Variants in RCAN2 observed in about 807,000 individuals in gnomAD.
The protein encoded by RCAN2 is regulator of calcineurin 2.
Under a neutral mutation model 23.6 loss-of-function variants are expected in RCAN2, and 9 were observed. The ratio of observed to expected loss-of-function variants is 0.38; its 90% CI spans 0.23 to 0.67. The LOEUF (loss-of-function observed/expected upper bound fraction) is 0.67, where lower values mean the gene tolerates loss of function less well. Ranked by LOEUF, RCAN2 falls within the 30% of genes least tolerant of loss-of-function variation. The pLI, the probability that RCAN2 is intolerant of heterozygous loss-of-function variation, is 0.51. For synonymous variants in RCAN2, 109 were observed against 115.7 expected (o/e 0.94, Z 0.37); for missense variants, 273 against 302.3 (o/e 0.90, Z 0.72).
chr6:46,289,986 G>T (rs1762493497), intron 2 of RCAN2, among the ~76,000 whole-genome samples: 1 of 152,162 alleles, frequency 6.6e-6, no homozygotes, highest in African/African-American at 2.4e-5. Context: ...CCAAGGTTGG[G>T]AAATAGAGAC....
At chr6:46,468,948 T>C (rs1467812472) in intron 1 of RCAN2, 2 of 520,872 alleles carry the variant, frequency 3.8e-6, no homozygotes, top group East Asian at 1.5e-4. Context: ...GATCTGAAAG[T>C]AAGTCACTGC....
chr6:46,491,838 TG>T, upstream of RCAN2: 1 of 152,510 alleles, frequency 6.6e-6, no homozygotes, highest in Non-Finnish European at 1.5e-5. Flanking sequence ...CAAACTGTGG[TG>T]GGGGAGTACT....
intron 2 of RCAN2, among the ~76,000 whole-genome samples, chr6:46,344,478 TACTA>T (rs1241847752): frequency 1.4e-5 from 2 of 140,354 alleles, no homozygotes; most frequent in Non-Finnish European, 3.2e-5. Context: ...TTATTAAAAA[TACTA>T]TTGATTATTA....
At chr6:46,334,644 C>A (rs1274075062) in intron 2 of RCAN2, among the ~76,000 whole-genome samples, 1 of 152,148 alleles carries the variant, frequency 6.6e-6, no homozygotes, top group East Asian at 1.9e-4. Flanking sequence ...TCCACATTCT[C>A]CGCATTGTGT....
At chr6:46,459,775 G>A (rs762841389) in intron 1 of RCAN2, among the ~76,000 whole-genome samples, 26 of 152,172 alleles carry the variant, frequency 1.7e-4, no homozygotes, top group Non-Finnish European at 3.1e-4. Context: ...GCAGGGGAAT[G>A]AAACAGGAGC....
intron 2 of RCAN2, among the ~76,000 whole-genome samples, chr6:46,306,201 A>C (rs1332706216): frequency 6.6e-6 from 1 of 152,112 alleles, no homozygotes; most frequent in Non-Finnish European, 1.5e-5. Flanking sequence ...GCTTGTCTCC[A>C]TGTCCAAAGA....
At chr6:46,416,202 TTAAG>T (rs1272719656) in intron 2 of RCAN2, among the ~76,000 whole-genome samples, 1 of 151,792 alleles carries the variant, frequency 6.6e-6, no homozygotes, top group Admixed American at 6.6e-5. Flanking sequence ...AATAAATCGA[TTAAG>T]TAAGATTTTG....
chr6:46,477,074 C>T (rs1031149859), intron 1 of RCAN2, among the ~76,000 whole-genome samples: 3 of 152,114 alleles, frequency 2.0e-5, no homozygotes, highest in Non-Finnish European at 4.4e-5. Flanking sequence ...CACATCTCAA[C>T]TTGCAGGGGG....
intron 2 of RCAN2, among the ~76,000 whole-genome samples, chr6:46,338,512 A>G (rs948090589): frequency 6.6e-6 from 1 of 152,130 alleles, no homozygotes; most frequent in African/African-American, 2.4e-5. Flanking sequence ...ACCCCACCAT[A>G]GGCAATGGGG....
intron 2 of RCAN2, among the ~76,000 whole-genome samples, chr6:46,308,392 T>C (rs1212546888): frequency 2.0e-5 from 3 of 152,186 alleles, no homozygotes; most frequent in Non-Finnish European, 2.9e-5. Flanking sequence ...AACTCTTCTC[T>C]TAGACAAATT....
chr6:46,452,961 G>A (rs1267306280), intron 2 of RCAN2, among the ~76,000 whole-genome samples: 3 of 152,080 alleles, frequency 2.0e-5, no homozygotes, highest in Non-Finnish European at 2.9e-5. Flanking sequence ...CACCTTTCAG[G>A]TTTCTTCTTA....
At chr6:46,422,182 G>C (rs1034433010) in intron 2 of RCAN2, among the ~76,000 whole-genome samples, 6 of 152,080 alleles carry the variant, frequency 3.9e-5, no homozygotes, top group Non-Finnish European at 8.8e-5. Context: ...AGTTCTCACT[G>C]TTAGTTCCTG....
At chr6:46,450,527 A>G (rs953831405) in intron 2 of RCAN2, among the ~76,000 whole-genome samples, 8 of 152,116 alleles carry the variant, frequency 5.3e-5, no homozygotes, top group Non-Finnish European at 1.2e-4. Context: ...ATAATTGCCA[A>G]GATATGGACT....
intron 2 of RCAN2, among the ~76,000 whole-genome samples, chr6:46,445,949 A>G (rs1255915494): frequency 6.6e-6 from 1 of 152,158 alleles, no homozygotes; most frequent in Non-Finnish European, 1.5e-5. Context: ...GCAAGTATTC[A>G]AATTATTGGA....
At chr6:46,487,362 T>C (rs1434781336) in intron 1 of RCAN2, among the ~76,000 whole-genome samples, 1 of 152,224 alleles carries the variant, frequency 6.6e-6, no homozygotes, top group African/African-American at 2.4e-5. Context: ...ATACACTTCT[T>C]TCTTAGATAA....
At chr6:46,232,150 A>C (rs1765914431) in intron 4 of RCAN2, among the ~76,000 whole-genome samples, 1 of 152,260 alleles carries the variant, frequency 6.6e-6, no homozygotes, top group Admixed American at 6.5e-5. Context: ...TCACTTTGCT[A>C]TCCTGCCCTG....
chr6:46,275,024 T>G (rs1297493509), intron 2 of RCAN2, among the ~76,000 whole-genome samples: 2 of 152,222 alleles, frequency 1.3e-5, no homozygotes, highest in Admixed American at 1.3e-4. Flanking sequence ...TTGGCTAAAT[T>G]TAAACAAGGT....
At chr6:46,369,374 T>C (rs1156939608) in intron 2 of RCAN2, among the ~76,000 whole-genome samples, 1 of 152,230 alleles carries the variant, frequency 6.6e-6, no homozygotes, top group Non-Finnish European at 1.5e-5. Flanking sequence ...GGTAACATAG[T>C]CATTTATTAG....
At chr6:46,333,043 A>G (rs184058590) in intron 2 of RCAN2, among the ~76,000 whole-genome samples, 73 of 152,100 alleles carry the variant, frequency 4.8e-4, no homozygotes, top group African/African-American at 1.7e-3. Flanking sequence ...TTTGATTTCC[A>G]TTTCTCTGAT....
Sources: gnomAD v4.1 joint callset for allele counts (sites outside exome capture counted in the v4.1 genomes callset) on GRCh38, gnomAD v4.1.1 for gene constraint, MANE v1.5 for transcripts, NCBI Gene and HGNC (gene_info 2026-07-23, HGNC 2026-07-21) for gene names.